The following TRIOBP variants were observed in gnomAD, a reference collection of about 807,000 sequenced individuals.
The protein encoded by TRIOBP is TRIO and F-actin binding protein.
TRIOBP carries 169 observed loss-of-function variants against 238.8 expected under a neutral mutation model. The observed-to-expected ratio is 0.71, with a 90% confidence interval of 0.62 to 0.80. The LOEUF (loss-of-function observed/expected upper bound fraction) is 0.80. Ranked by LOEUF, TRIOBP falls within the 30% of genes least tolerant of loss-of-function variation. The pLI is 0.00. For synonymous variants in TRIOBP, 1,150 were observed against 1,274.4 expected, an observed-to-expected ratio of 0.90 and a Z score of 2.08; for missense variants, 2,838 against 3,122.6, an observed-to-expected ratio of 0.91 and a Z score of 2.17.
At chr22:37,766,913 AT>A (rs1384012514) in intron 18 of TRIOBP, among the ~76,000 whole-genome samples, 2 of 150,438 alleles carry the variant, frequency 1.3e-5, no homozygotes, top group African/African-American at 4.9e-5. Flanking sequence ...GTGAGCTGAG[AT>A]TGCACCACTG....
chr22:37,752,956 C>G (rs1925701553), intron 12 of TRIOBP, among the ~76,000 whole-genome samples: 1 of 152,220 alleles, frequency 6.6e-6, no homozygotes, highest in African/African-American at 2.4e-5. Flanking sequence ...GCTCAGAACT[C>G]AGCGCACCTG....
At chr22:37,736,133 G>A (rs577956831) in intron 9 of TRIOBP, among the ~76,000 whole-genome samples, 1 of 152,286 alleles carries the variant, frequency 6.6e-6, no homozygotes, top group Non-Finnish European at 1.5e-5. Flanking sequence ...GTAGGTGCTC[G>A]CCCTTCCCCT....
intron 11 of TRIOBP, chr22:37,750,498 C>T: frequency 2.6e-6 from 1 of 387,252 alleles, no homozygotes; most frequent in South Asian, 1.9e-5. Context: ...GTGTGGTCAC[C>T]AATCTTCATT....
intron 6 of TRIOBP, among the ~76,000 whole-genome samples, chr22:37,721,091 G>C (rs528555249): frequency 6.7e-6 from 1 of 148,914 alleles, no homozygotes; most frequent in East Asian, 2.0e-4. Context: ...GGCTGGTATC[G>C]ATCTCCTGAC....
intron 12 of TRIOBP, 89 bp downstream of exon 12, chr22:37,751,917 T>C: frequency 2.2e-6 from 1 of 462,064 alleles, no homozygotes; most frequent in South Asian, 2.0e-5. Context: ...GGGCTGGGGC[T>C]GGTGTGAGAA....
chr22:37,734,636 C>T lies in TRIOBP; in HGVS notation c.4300C>T (p.Pro1434Ser), dbSNP rs529352349. The change falls in exon 9 of 24, where the codon CCA becomes TCA. Residue 1434 changes from proline (P) to serine (S), a missense_variant. This residue lies in a region of TRIOBP where 2,096 missense variants were observed against 2,137.4 expected (regional missense o/e 0.98). Coordinates refer to ENST00000644935, the MANE Select transcript of TRIOBP (RefSeq NM_001039141.3). ...LGVWQSQEEP[P>S]GSQGPHRHLE... ...GGTGTGGCAGAGTCAGGAGGAACCG[C>T]CAGGGTCCCAGGGCCCTCATAGACA... 6.3e-7 allele frequency: 1 copy of T among 1,589,962 alleles called. No individual in the cohort carries two copies. Among genetic ancestry groups the T allele is most frequent in the East Asian group, 2.3e-5 (1 of 43,614 alleles).
chr22:37,772,772 C>T lies in TRIOBP; in HGVS notation c.*2+8C>T. 6.2e-7 allele frequency: 1 copy of T among 1,611,972 alleles called. No homozygotes were observed. The highest frequency in any genetic ancestry group is 8.5e-7 in the Non-Finnish European group (1 of 1,179,864). ...CAGCCTGGCTGAGTAGAGGTGGATG[C>T]CGAGGCGTGTGCCCTGCAGGGTGGG... On this transcript the variant is annotated splice_region_variant and intron_variant, in intron 23 of 23. Coordinates refer to ENST00000644935, the MANE Select transcript of TRIOBP (RefSeq NM_001039141.3).
chr22:37,773,904 CCACA>C lies in TRIOBP; in HGVS notation c.*155_*158del, dbSNP rs57293518. 0.27 allele frequency: 38,124 copies of C among 142,832 alleles called. 5,509 individuals carry two copies. Among genetic ancestry groups the C allele is most frequent in the South Asian group, 0.42 (1,831 of 4,406 alleles). 8.8% of individuals were successfully genotyped at this position (142,832 alleles called of 1,614,324 possible). On this transcript the variant is annotated 3_prime_UTR_variant, in exon 24 of 24. Coordinates refer to ENST00000644935, the MANE Select transcript of TRIOBP (RefSeq NM_001039141.3). ...TGGGCCACACGTGCACTTGCACCCACCACACACACACACACACACACACACACAC... is the reference window on the plus strand; with the variant it reads ...TGGGCCACACGTGCACTTGCACCCACCACACACACACACACACACACACAC...
intron 11 of TRIOBP, chr22:37,750,651 G>A (rs1601652649): frequency 2.1e-6 from 1 of 471,198 alleles, no homozygotes; most frequent in Non-Finnish European, 4.4e-6. Flanking sequence ...GGTATACAGG[G>A]AGGGGCTGGG....
At chr22:37,767,112 G>A (rs958813294) in intron 18 of TRIOBP, among the ~76,000 whole-genome samples, 2 of 152,044 alleles carry the variant, frequency 1.3e-5, no homozygotes, top group African/African-American at 2.4e-5. Context: ...TTAGCCATGC[G>A]CGGTGGCAGG....
At chr22:37,703,585 A>G (rs1005283312) in intron 3 of TRIOBP, among the ~76,000 whole-genome samples, 9 of 150,296 alleles carry the variant, frequency 6.0e-5, no homozygotes, top group Admixed American at 4.7e-4. Context: ...GCTCACTGCA[A>G]GCTCGGCCTC....
chr22:37,740,634 C>T (rs1924887529), intron 10 of TRIOBP, among the ~76,000 whole-genome samples: 1 of 152,248 alleles, frequency 6.6e-6, no homozygotes, highest in Non-Finnish European at 1.5e-5. Context: ...GCACCCCCTC[C>T]AGCTGGCGCC....
chr22:37,770,293 C>CCGGGCGTGGTGG (rs1926703237), intron 21 of TRIOBP, among the ~76,000 whole-genome samples: 3 of 150,120 alleles, frequency 2.0e-5, no homozygotes, highest in Non-Finnish European at 4.4e-5. Context: ...AAAAAATTAC[C>CCGGGCGTGGTGG]CGGGCGTGGT....
At chr22:37,758,205 G>T in intron 16 of TRIOBP, 67 bp downstream of exon 16, 1 of 1,586,114 alleles carries the variant, frequency 6.3e-7, no homozygotes, top group East Asian at 2.3e-5. Flanking sequence ...CTGCATTCAT[G>T]CCCTGGCATT....
intron 2 of TRIOBP, among the ~76,000 whole-genome samples, chr22:37,699,966 C>T (rs977570839): frequency 6.6e-6 from 1 of 152,080 alleles, no homozygotes; most frequent in African/African-American, 2.4e-5. Context: ...GCTACCTCTG[C>T]CTCCCAGGTT....
At chr22:37,701,636 CA>C (rs1922650049) in intron 3 of TRIOBP, among the ~76,000 whole-genome samples, 157 bp downstream of exon 3, 1 of 152,188 alleles carries the variant, frequency 6.6e-6, no homozygotes, top group Non-Finnish European at 1.5e-5. Flanking sequence ...GTGGTTGAAC[CA>C]TGTGAATGTT....
intron 15 of TRIOBP, among the ~76,000 whole-genome samples, chr22:37,757,143 C>G (rs780849235): frequency 6.6e-6 from 1 of 152,094 alleles, no homozygotes; most frequent in Non-Finnish European, 1.5e-5. Context: ...GGGAGGAGCA[C>G]GTGAGCCCAG....
Position 37,726,387 on chromosome 22 carries a change from C to T in TRIOBP, c.3831C>T (p.Pro1277=). The T allele has an allele frequency of 6.3e-7, 1 of 1,589,038 alleles. No homozygotes were observed. Among genetic ancestry groups the T allele is most frequent in the Non-Finnish European group, 8.6e-7 (1 of 1,167,220 alleles). The change falls in exon 7 of 24, where the codon CCC becomes CCT. Residue 1277 remains proline (P), a synonymous_variant. Coordinates refer to ENST00000644935, the MANE Select transcript of TRIOBP (RefSeq NM_001039141.3). The part of the protein sequence containing the change: ...REEYTVLADL[P]PPRRLAQRQP... ...AGTACACTGTGCTGGCCGACCTGCC[C>T]CCACCCAGGAGGCTGGCCCAGAGAC...
intron 21 of TRIOBP, 70 bp downstream of exon 21, chr22:37,769,445 A>G (rs1263984952): frequency 3.2e-5 from 46 of 1,421,188 alleles, no homozygotes; most frequent in Middle Eastern, 4.4e-4. Flanking sequence ...CACCCCCGCC[A>G]TAGGCTGGGT....
Sources: gnomAD v4.1 joint callset for allele counts (sites outside exome capture counted in the v4.1 genomes callset) on GRCh38, gnomAD v4.1.1 for gene constraint, gnomAD v4.1.1 regional missense constraint, MANE v1.5 for transcripts, NCBI Gene and HGNC (gene_info 2026-07-23, HGNC 2026-07-21) for gene names.